Variants in NEMP2 observed in about 807,000 individuals in gnomAD.
NEMP2 encodes UPF0571 transmembrane protein.
A neutral mutation model predicts 54.2 loss-of-function variants in NEMP2; 53 were observed. The observed-to-expected ratio is 0.98, with a 90% CI of 0.78 to 1.23. NEMP2 has a LOEUF of 1.23. NEMP2 is among the 50% of genes most tolerant of loss of function. The pLI is 0.00. For missense variants in NEMP2, 455 were observed against 511.3 expected, an observed-to-expected ratio of 0.89 and a Z score of 1.06; for synonymous variants, 197 against 190.3, an observed-to-expected ratio of 1.04 and a Z score of -0.29.
At chr2:190,461,408 T>TCC in the NEMP2 span, among the ~76,000 whole-genome samples, 159 of 152,358 alleles carry the variant, frequency 1.0e-3, 1 homozygote, top group African/African-American at 3.7e-3. This position sits in a 1 kb window ranked among gnomAD's most constrained non-coding sequence, Gnocchi z 5.5. Flanking sequence ...TAGTGTTGTA[T>TCC]CCTTTTAGAG....
the NEMP2 span, among the ~76,000 whole-genome samples, chr2:190,544,249 A>G: frequency 6.6e-6 from 1 of 152,206 alleles, no homozygotes; most frequent in African/African-American, 2.4e-5. Flanking sequence ...TTTCATTTAG[A>G]AAATATTTTG....
chr2:190,552,837 G>A, the NEMP2 span, among the ~76,000 whole-genome samples: 1 of 152,050 alleles, frequency 6.6e-6, no homozygotes, highest in Non-Finnish European at 1.5e-5. Context: ...AACAGTTTAG[G>A]GAATGTGTTC....
intron 6 of NEMP2, among the ~76,000 whole-genome samples, chr2:190,515,685 G>A (rs1690528107): frequency 6.6e-6 from 1 of 152,122 alleles, no homozygotes; most frequent in Non-Finnish European, 1.5e-5. Context: ...TTTGTTTTGA[G>A]GGAAGTGAAC....
the NEMP2 span, among the ~76,000 whole-genome samples, chr2:190,422,981 A>G: frequency 6.6e-6 from 1 of 152,148 alleles, no homozygotes; most frequent in Admixed American, 6.5e-5. Flanking sequence ...AAAGCCCTAG[A>G]TAAGAAAATA....
Position 190,508,209 on chromosome 2 carries a change from T to C in NEMP2, c.*980A>G, listed in dbSNP as rs561557461. Reference sequence around the variant, plus strand: ...AAAAAGTAATCATAGTATCTAATCCTTACGTATGTATATAAAAATCTTACG... The same window carrying C: ...AAAAAGTAATCATAGTATCTAATCCCTACGTATGTATATAAAAATCTTACG... On this transcript the variant is annotated 3_prime_UTR_variant, in exon 9 of 9. Transcript: ENST00000409150. This position sits in a 1 kb window ranked among gnomAD's most constrained non-coding sequence, Gnocchi z 4.3. The C allele has an allele frequency of 1.3e-5, 2 of 152,350 alleles. No individual in the cohort carries two copies. Among genetic ancestry groups the C allele is most frequent in the South Asian group, 4.1e-4 (2 of 4,826 alleles). 9.4% of individuals were successfully genotyped at this position (152,350 alleles called of 1,614,324 possible). A position where few individuals can be genotyped will look rare whatever the true frequency, so the allele number is the denominator to read the frequency against.
In NEMP2 at chr2:190,519,669, C is replaced by T. The variant is rs996304683; in HGVS notation, c.214-486G>A. On this transcript the variant is annotated intron_variant, in intron 2 of 8. Transcript: ENST00000409150. This position sits in a 1 kb window ranked among gnomAD's most constrained non-coding sequence, Gnocchi z 5.4. The stretch of plus-strand genomic sequence containing the variant: ...AAGAGATCTGTATTTAGTCCAAACA[C>T]ACGCTGAACCACAGACATTATTGAA... 6.6e-6 allele frequency among the ~76,000 whole-genome samples: 1 copy of T among 152,216 alleles called. No individual in the cohort carries two copies. Among genetic ancestry groups the T allele is most frequent in the African/African-American group, 2.4e-5 (1 of 41,456 alleles).
At chr2:190,575,016 G>A in the NEMP2 span, among the ~76,000 whole-genome samples, 2 of 151,664 alleles carry the variant, frequency 1.3e-5, no homozygotes, top group Non-Finnish European at 2.9e-5. Flanking sequence ...CACCATGCCC[G>A]GCTACTTTTT....
At chr2:190,455,873 T>C in the NEMP2 span, among the ~76,000 whole-genome samples, 2 of 144,410 alleles carry the variant, frequency 1.4e-5, no homozygotes, top group Non-Finnish European at 3.0e-5. Flanking sequence ...TTTCTAGCCA[T>C]AAAAGTTCAA....
chr2:190,593,175 G>T, the NEMP2 span, among the ~76,000 whole-genome samples: 15 of 152,132 alleles, frequency 9.9e-5, no homozygotes, highest in African/African-American at 2.4e-5. This position sits in a 1 kb window ranked among gnomAD's most constrained non-coding sequence, Gnocchi z 4.5. Flanking sequence ...TAAAACTCCC[G>T]ATCAGCCGCA....
chr2:190,491,224 T>A, the NEMP2 span, among the ~76,000 whole-genome samples: 1 of 152,224 alleles, frequency 6.6e-6, no homozygotes, highest in Non-Finnish European at 1.5e-5. This position sits in a 1 kb window ranked among gnomAD's most constrained non-coding sequence, Gnocchi z 4.2. Context: ...AAAATACTTG[T>A]GTTCTGGAGA....
the NEMP2 span, among the ~76,000 whole-genome samples, chr2:190,541,278 TTTCTAGTTCC>T: frequency 6.6e-6 from 1 of 152,072 alleles, no homozygotes; most frequent in African/African-American, 2.4e-5. This position sits in a 1 kb window ranked among gnomAD's most constrained non-coding sequence, Gnocchi z 5.2. Flanking sequence ...TGTTCTTGTT[TTTCTAGTTCC>T]TTCTAGTTCC....
At chr2:190,465,907 C>G in the NEMP2 span, among the ~76,000 whole-genome samples, 8 of 152,166 alleles carry the variant, frequency 5.3e-5, no homozygotes, top group Non-Finnish European at 7.3e-5. The surrounding 1 kb of genome is among the most constrained non-coding windows in gnomAD (Gnocchi z 4.6). Flanking sequence ...GCAGAAGAAT[C>G]GCTTGAATCC....
chr2:190,596,213 C>T, the NEMP2 span, among the ~76,000 whole-genome samples: 562 of 152,182 alleles, frequency 3.7e-3, 5 homozygotes, highest in Middle Eastern at 6.8e-3. This position sits in a 1 kb window ranked among gnomAD's most constrained non-coding sequence, Gnocchi z 5.1. Context: ...AACACATGGA[C>T]ACAGGGAAGG....
the NEMP2 span, chr2:190,436,286 A>T: frequency 6.2e-6 from 10 of 1,614,020 alleles, no homozygotes; most frequent in Non-Finnish European, 8.5e-6. This position sits in a 1 kb window ranked among gnomAD's most constrained non-coding sequence, Gnocchi z 5.3. Flanking sequence ...GGCTCTCTCT[A>T]TCCCCTTTTG....
the NEMP2 span, among the ~76,000 whole-genome samples, chr2:190,622,466 G>A: frequency 6.6e-6 from 1 of 151,832 alleles, no homozygotes; most frequent in Admixed American, 6.6e-5. Context: ...ATATTTGCAT[G>A]CAAAAGAAAG....
the NEMP2 span, among the ~76,000 whole-genome samples, chr2:190,592,130 G>C: frequency 9.9e-5 from 15 of 152,112 alleles, no homozygotes; most frequent in African/African-American, 2.7e-4. This position sits in a 1 kb window ranked among gnomAD's most constrained non-coding sequence, Gnocchi z 4.4. Flanking sequence ...AGAGGTGCAG[G>C]GGGGAAAAGT....
At chr2:190,451,908 G>T in the NEMP2 span, among the ~76,000 whole-genome samples, 1 of 152,138 alleles carries the variant, frequency 6.6e-6, no homozygotes, top group Non-Finnish European at 1.5e-5. This position sits in a 1 kb window ranked among gnomAD's most constrained non-coding sequence, Gnocchi z 5.0. Context: ...TTGGGCAGAG[G>T]ATTTCTTATT....
At position 190,510,525 on chromosome 2, in the gene NEMP2, C is replaced by G. The variant is rs371470092; in HGVS notation, c.966G>C (p.Gln322His). 84 of 1,551,982 alleles carry G rather than the reference C, an allele frequency of 5.4e-5. No individual in the cohort carries two copies. The highest frequency in any genetic ancestry group is 7.1e-5 in the Non-Finnish European group (82 of 1,147,034). The change falls in exon 8 of 9, where the codon CAG (glutamine) becomes CAC (histidine). Residue 322 changes from glutamine (Q) to histidine (H), a missense_variant. Coordinates refer to ENST00000409150, the MANE Select transcript of NEMP2 (RefSeq NM_001142645.2). The surrounding 1 kb of genome is among the most constrained non-coding windows in gnomAD (Gnocchi z 5.7). ...ACSYMRWKME[Q>H]WFTSKELVVK... Reference sequence around the variant, plus strand: ...CCACCAGCTCTTTTGATGTAAACCACTGCTCCATTTTCCTAAAACATGGCA... The same window carrying G: ...CCACCAGCTCTTTTGATGTAAACCAGTGCTCCATTTTCCTAAAACATGGCA...
the NEMP2 span, among the ~76,000 whole-genome samples, chr2:190,645,198 A>ATATATAAATCATCATC: frequency 1.3e-5 from 2 of 152,212 alleles, no homozygotes; most frequent in Non-Finnish European, 2.9e-5. Flanking sequence ...TATAAGGAAT[A>ATATATAAATCATCATC]AGCCTGGGAT....
Sources: allele counts gnomAD v4.1 joint callset (sites outside exome capture counted in the v4.1 genomes callset), GRCh38; gene constraint gnomAD v4.1.1; non-coding constraint Gnocchi (gnomAD v3.1); transcripts MANE v1.5; gene names NCBI Gene and HGNC (gene_info 2026-07-23, HGNC 2026-07-21).